The following CEP72 variants were observed in gnomAD, a reference collection of about 807,000 sequenced individuals.
CEP72 encodes centrosomal protein of 72 kDa.
A neutral mutation model predicts 65.7 loss-of-function variants in CEP72; 78 were observed. The observed-to-expected ratio is 1.19, with a 90% CI of 0.99 to 1.43. CEP72 has a LOEUF of 1.43. CEP72 is among the 40% of genes most tolerant of loss of function. CEP72 has a pLI of 0.00. For synonymous variants in CEP72, 358 were observed against 351.7 expected (o/e 1.02, Z -0.20); for missense variants, 914 against 832.9 (o/e 1.10, Z -1.20).
At chr5:617,820 G>C (rs1016726305) in intron 1 of CEP72, among the ~76,000 whole-genome samples, 5 of 152,134 alleles carry the variant, frequency 3.3e-5, no homozygotes, top group African/African-American at 9.7e-5. Context: ...AGCCGAGATC[G>C]CACCACGGTA....
chr5:660,214 T>C (rs1253806426), downstream of CEP72: 1 of 151,056 alleles, frequency 6.6e-6, no homozygotes, highest in African/African-American at 2.4e-5. Context: ...CATATATATA[T>C]ATATATATAT....
At chr5:665,216 G>A (rs1739845479) in exon 3 of CEP72, 1 of 1,613,794 alleles carries the variant, frequency 6.2e-7, no homozygotes, top group Non-Finnish European at 8.5e-7. Flanking sequence ...CCTTGCCAGA[G>A]GGGTCGAAGC....
intron 4 of CEP72, among the ~76,000 whole-genome samples, chr5:628,992 C>T (rs963013733): frequency 6.0e-5 from 9 of 150,484 alleles, no homozygotes; most frequent in African/African-American, 1.7e-4. Context: ...CAGCCCCCTT[C>T]TTTGTGCAGC....
chr5:619,290 C>T (rs966087126), intron 2 of CEP72, among the ~76,000 whole-genome samples, 173 bp downstream of exon 2: 2 of 152,178 alleles, frequency 1.3e-5, no homozygotes, highest in South Asian at 2.1e-4. Flanking sequence ...CATCACGTTA[C>T]GTTGTGTTGT....
intron 5 of CEP72, 88 bp downstream of exon 5, chr5:634,035 C>G (rs575350169): frequency 2.0e-4 from 256 of 1,256,046 alleles, no homozygotes; most frequent in Non-Finnish European, 2.6e-4. Flanking sequence ...CACAGTTGCT[C>G]TTTTTGTGGA....
chr5:665,429 G>A, intron 3 of CEP72: 1 of 812,828 alleles, frequency 1.2e-6, no homozygotes, highest in Non-Finnish European at 1.9e-6. Context: ...TGGGATTTAT[G>A]CCCCTTTTAA....
rs1228667514 is a variant in CEP72 at position 618,845 on chromosome 5, GAGA to G, written c.83-141_83-139del. On this transcript the variant is annotated intron_variant, in intron 1 of 11. Transcript: ENST00000264935. Reference sequence around the variant, plus strand: ...ACAAGGAAGGGCACAGATGGCCGAGGAGAAGATTCAGGAGCCTGAGTAAAGTTG... The same window carrying G: ...ACAAGGAAGGGCACAGATGGCCGAGGAGATTCAGGAGCCTGAGTAAAGTTG... 43 of 675,312 alleles carry G rather than the reference GAGA, an allele frequency of 6.4e-5. No individual in the cohort carries two copies. In the African/African-American group the frequency reaches 6.5e-4, roughly 10 times the overall value. 41.8% of individuals were successfully genotyped at this position (675,312 alleles called of 1,614,324 possible). A position where few individuals can be genotyped will look rare whatever the true frequency, so the allele number is the denominator to read the frequency against.
At chr5:672,286 C>T in the CEP72 span, among the ~76,000 whole-genome samples, 1 of 151,358 alleles carries the variant, frequency 6.6e-6, no homozygotes, top group South Asian at 2.1e-4. Context: ...CCCTGCTGTT[C>T]TCAGTCTCCC....
chr5:644,094 C>T (rs967796424), intron 9 of CEP72: 4 of 560,020 alleles, frequency 7.1e-6, no homozygotes, highest in African/African-American at 5.7e-5. Flanking sequence ...CCTCACTTCC[C>T]CCCTCCCCTG....
At chr5:664,911 T>G in intron 2 of CEP72, 1 of 622,732 alleles carries the variant, frequency 1.6e-6, no homozygotes, top group Non-Finnish European at 2.8e-6. Context: ...AAACCTGGTT[T>G]GAGAGGGGAG....
At chr5:674,189 G>A in the CEP72 span, among the ~76,000 whole-genome samples, 1 of 152,224 alleles carries the variant, frequency 6.6e-6, no homozygotes, top group Non-Finnish European at 1.5e-5. Flanking sequence ...GTCTGCTCCT[G>A]TGTATCCTGG....
chr5:651,254 G>C (rs1739054051), intron 11 of CEP72, among the ~76,000 whole-genome samples: 2 of 118,930 alleles, frequency 1.7e-5, no homozygotes, highest in Non-Finnish European at 1.8e-5. Flanking sequence ...TGGACTGTGA[G>C]GTGTGACTGT....
At chr5:649,302 G>C (rs549662569) in intron 11 of CEP72, among the ~76,000 whole-genome samples, 2 of 123,896 alleles carry the variant, frequency 1.6e-5, no homozygotes. Flanking sequence ...GGACTGTGAG[G>C]CGTGACTGAG....
rs148530409 is a variant in CEP72, at chr5:643,107, TGGGA to T, written c.1540-1189_1540-1186del. On this transcript the variant is annotated intron_variant, in intron 9 of 11. Coordinates refer to ENST00000264935, the MANE Select transcript of CEP72 (RefSeq NM_018140.4). ...CACACTCCTGTCATCCCAGCTATTT[TGGGA>T]GGTAGAGGCAGGAGGCTCAGGAGTT... 9.1e-3 allele frequency: 8,938 copies of T among 979,190 alleles called. 616 individuals carry two copies. The African/African-American group carries it at 0.14, about 16-fold the overall frequency. 60.7% of individuals were successfully genotyped at this position (979,190 alleles called of 1,614,324 possible).
intron 11 of CEP72, 78 bp downstream of exon 11, chr5:647,994 ACACCCAGAAGGCACAGAGGAGCAGCT>A: frequency 1.1e-6 from 1 of 928,722 alleles, no homozygotes. Flanking sequence ...GGACTGGGTC[ACACCCAGAAGGCACAGAGGAGCAGCT>A]CCTCATGAGT....
chr5:634,170 T>C (rs1052383978), intron 5 of CEP72, among the ~76,000 whole-genome samples: 13 of 152,172 alleles, frequency 8.5e-5, no homozygotes, highest in African/African-American at 2.9e-4. Context: ...TGCATGATGG[T>C]TTAAATTGTA....
the CEP72 span, among the ~76,000 whole-genome samples, chr5:673,597 A>G: frequency 0.019 from 2,951 of 152,266 alleles, 80 homozygotes; most frequent in African/African-American, 0.067. Flanking sequence ...CAGGCTGCCC[A>G]GGACCGGGTC....
chr5:662,912 T>TGACTGCTCGTCTGTGATTGGGCGAG (rs1561076626), intron 1 of CEP72: 14 of 79,526 alleles, frequency 1.8e-4, no homozygotes, highest in Non-Finnish European at 8.7e-5. Context: ...GATCGGGCGA[T>TGACTGCTCGTCTGTGATTGGGCGAG]TCTGGTGACC....
intron 1 of CEP72, among the ~76,000 whole-genome samples, chr5:618,128 G>A (rs1360604663): frequency 6.6e-6 from 1 of 152,166 alleles, no homozygotes; most frequent in Non-Finnish European, 1.5e-5. Context: ...AGCCAGAAGT[G>A]GAGGCGGGAG....
Sources: allele counts gnomAD v4.1 joint callset (sites outside exome capture counted in the v4.1 genomes callset), GRCh38; gene constraint gnomAD v4.1.1; transcripts MANE v1.5; gene names NCBI Gene and HGNC (gene_info 2026-07-23, HGNC 2026-07-21).